FRMPD4: variants seen among roughly 807,000 people sequenced by gnomAD.
FRMPD4 encodes the protein FERM and PDZ domain-containing protein 4.
FRMPD4 carries 22 observed loss-of-function variants against 94.1 expected under a neutral mutation model. The ratio of observed to expected loss-of-function variants is 0.23; its 90% CI spans 0.17 to 0.33. The LOEUF (loss-of-function observed/expected upper bound fraction) is 0.33. Ranked by LOEUF, FRMPD4 falls within the 10% of genes least tolerant of loss-of-function variation. The pLI is 1.00. For missense variants in FRMPD4, 1,111 were observed against 1,339.9 expected (o/e 0.83, Z 2.67); for synonymous variants, 631 against 548.6 (o/e 1.15, Z -2.10).
Position 12,595,759 on chromosome X carries a change from G to C in FRMPD4, c.159-13962G>C, listed in dbSNP as rs1414696282. Among the ~76,000 whole-genome samples, 15 of 112,274 alleles carry C rather than the reference G, an allele frequency of 1.3e-4. No individual in the cohort carries two copies. The Admixed American group carries it at 1.4e-3, about 11-fold the overall frequency. On this transcript the variant is annotated intron_variant, in intron 2 of 16. Transcript: ENST00000675598. ...AATGTTCAGGTAGGAAAGTTGCAGA[G>C]TCTCAGCAACTCCAGTCTGTGTTAG... is the stretch of plus-strand genomic sequence containing the variant.
chrX:12,468,635 T>C (rs1177968761), intron 1 of FRMPD4, among the ~76,000 whole-genome samples: 1 of 111,699 alleles, frequency 9.0e-6, no homozygotes. Context: ...GGTACATGCA[T>C]AATTTGAGGT....
intron 2 of FRMPD4, among the ~76,000 whole-genome samples, chrX:12,537,700 C>T (rs2058356020): frequency 9.2e-6 from 1 of 108,887 alleles, no homozygotes; most frequent in African/African-American, 3.3e-5. Flanking sequence ...AATTCCCCGC[C>T]GCATCCCCCC....
chrX:12,367,805 T>A (rs1347812239), intron 1 of FRMPD4, among the ~76,000 whole-genome samples: 1 of 111,521 alleles, frequency 9.0e-6, no homozygotes, highest in Non-Finnish European at 1.9e-5. Context: ...TGGAAGGGAT[T>A]TATCATGTTA....
chrX:11,845,527 T>G (rs1032004863), intron 1 of FRMPD4, among the ~76,000 whole-genome samples: 1 of 108,663 alleles, frequency 9.2e-6, no homozygotes, highest in East Asian at 2.9e-4. Flanking sequence ...TAACTCATTT[T>G]ATGAGGCCAG....
chrX:12,142,901 A>G (rs757964417), intron 1 of FRMPD4, among the ~76,000 whole-genome samples: 17 of 112,153 alleles, frequency 1.5e-4, no homozygotes, highest in African/African-American at 5.2e-4. Context: ...CATGACCTGG[A>G]AAGTCTCACT....
chrX:12,468,362 A>G lies in FRMPD4; in HGVS notation c.42-30318A>G, dbSNP rs1453376652. Among the ~76,000 whole-genome samples the G allele has an allele frequency of 7.1e-5, 8 of 112,255 alleles. No homozygotes were observed. In the South Asian group the frequency reaches 1.8e-3, roughly 26 times the overall value. ...TTTTTGAAGAGAACACAAAAGAGATACCATGCAAAGGCAGCAAAAACTATG... is the reference window on the plus strand; with the variant it reads ...TTTTTGAAGAGAACACAAAAGAGATGCCATGCAAAGGCAGCAAAAACTATG... On this transcript the variant is annotated intron_variant, in intron 1 of 16. Transcript: ENST00000675598.
At chrX:12,409,028 C>A (rs781217498) in intron 1 of FRMPD4, among the ~76,000 whole-genome samples, 3 of 111,152 alleles carry the variant, frequency 2.7e-5, no homozygotes, top group Non-Finnish European at 5.7e-5. Flanking sequence ...ATTGAGAGGT[C>A]TTACTAGAAG....
At chrX:12,208,326 C>G (rs2056716957) in intron 1 of FRMPD4, among the ~76,000 whole-genome samples, 1 of 110,317 alleles carries the variant, frequency 9.1e-6, no homozygotes, top group Non-Finnish European at 1.9e-5. Context: ...AAGTCAATAG[C>G]TGAAGACCAC....
chrX:12,719,330 C>T (rs999503907), intron 16 of FRMPD4, among the ~76,000 whole-genome samples: 2 of 112,300 alleles, frequency 1.8e-5, no homozygotes, highest in African/African-American at 6.5e-5. Flanking sequence ...ACCCCAGTGT[C>T]AGGAAGATTT....
chrX:11,865,297 C>G (rs1278447846), intron 2 of FRMPD4, among the ~76,000 whole-genome samples: 1 of 111,658 alleles, frequency 9.0e-6, no homozygotes, highest in Non-Finnish European at 1.9e-5. Context: ...CCAGTCTGAC[C>G]AAAAGATTAT....
At chrX:12,475,018 A>C (rs1219269750) in intron 1 of FRMPD4, among the ~76,000 whole-genome samples, 3 of 111,833 alleles carry the variant, frequency 2.7e-5, no homozygotes, top group Non-Finnish European at 5.6e-5. Context: ...AAAAAAGAGA[A>C]TTTTAGACCA....
intron 1 of FRMPD4, among the ~76,000 whole-genome samples, chrX:11,824,311 C>T (rs186746325): frequency 1.3e-4 from 14 of 111,416 alleles, no homozygotes; most frequent in East Asian, 2.8e-4. Flanking sequence ...ATCTGGAATT[C>T]GGAGAGATAG....
intron 1 of FRMPD4, among the ~76,000 whole-genome samples, chrX:12,250,070 G>T (rs12401035): frequency 1.3e-5 from 1 of 76,590 alleles, no homozygotes; most frequent in African/African-American, 5.0e-5. Flanking sequence ...GTGTTTGTGT[G>T]TTTGTGTGTG....
At chrX:12,269,383 A>G (rs4830768) in intron 1 of FRMPD4, among the ~76,000 whole-genome samples, 25,634 of 110,113 alleles carry the variant, frequency 0.23, 2,368 homozygotes, top group Admixed American at 0.45. Context: ...AAGCTCTTTT[A>G]GAAGCCTTCC....
intron 3 of FRMPD4, among the ~76,000 whole-genome samples, chrX:12,132,312 G>A (rs186725999): frequency 1.6e-4 from 18 of 111,538 alleles, no homozygotes; most frequent in Admixed American, 2.9e-4. Context: ...GGCATTACCA[G>A]AGATGGAAAA....
intron 1 of FRMPD4, among the ~76,000 whole-genome samples, chrX:12,302,758 C>T (rs1310118799): frequency 1.8e-5 from 2 of 111,914 alleles, no homozygotes; most frequent in Middle Eastern, 4.6e-3. Flanking sequence ...AAGAAGACCC[C>T]AACTCTCATA....
Position 12,245,557 on chromosome X carries a change from A to G in FRMPD4, c.41+106545A>G, listed in dbSNP as rs947173255. ...TTCAAGGAGTTCTTGGCTTCCTCTCATAGAGGATGTCTGCTCTGGTTTGAA... is the reference window on the plus strand; with the variant it reads ...TTCAAGGAGTTCTTGGCTTCCTCTCGTAGAGGATGTCTGCTCTGGTTTGAA... On this transcript the variant is annotated intron_variant, in intron 1 of 16. Coordinates refer to ENST00000675598, the MANE Select transcript of FRMPD4 (RefSeq NM_001368397.1). Among the ~76,000 whole-genome samples the G allele has an allele frequency of 3.4e-5, 3 of 88,983 alleles. No individual in the cohort carries two copies. In the Admixed American group the frequency reaches 4.4e-4, roughly 13 times the overall value. The allele number at this position is 88,983 out of a possible 115,157, so 77.3% of individuals were successfully genotyped here.
At chrX:12,324,726 A>G (rs1213472612) in intron 1 of FRMPD4, among the ~76,000 whole-genome samples, 1 of 112,116 alleles carries the variant, frequency 8.9e-6, no homozygotes, top group Non-Finnish European at 1.9e-5. Context: ...ATAAATATGT[A>G]TGTTGATACA....
At chrX:12,574,378 G>T (rs2058788732) in intron 2 of FRMPD4, among the ~76,000 whole-genome samples, 1 of 112,141 alleles carries the variant, frequency 8.9e-6, no homozygotes, top group Non-Finnish European at 1.9e-5. Flanking sequence ...AAATATCAAT[G>T]GATATAACCC....
Sources: allele counts gnomAD v4.1 joint callset (sites outside exome capture counted in the v4.1 genomes callset), GRCh38; gene constraint gnomAD v4.1.1; transcripts MANE v1.5; gene names NCBI Gene and HGNC (gene_info 2026-07-23, HGNC 2026-07-21).